KLF15: variants seen among roughly 807,000 people sequenced by gnomAD.
The protein encoded by KLF15 is Krueppel-like factor 15.
KLF15 carries 4 observed loss-of-function variants against 24.6 expected under a neutral mutation model. The observed-to-expected ratio is 0.16, with a 90% CI of 0.08 to 0.37. The LOEUF (loss-of-function observed/expected upper bound fraction) is 0.37. Ranked by LOEUF, KLF15 falls within the 10% of genes least tolerant of loss-of-function variation. KLF15 has a pLI of 1.00. For synonymous variants in KLF15, 246 were observed against 236.3 expected (o/e 1.04, Z -0.37); for missense variants, 496 against 560.6 (o/e 0.88, Z 1.16).
At chr3:126,303,617 TC>T in the KLF15 span, among the ~76,000 whole-genome samples, 1 of 152,098 alleles carries the variant, frequency 6.6e-6, no homozygotes, top group Non-Finnish European at 1.5e-5. Context: ...GGTGTCTTTT[TC>T]TTTATGTTTC....
At chr3:126,314,862 G>A in the KLF15 span, among the ~76,000 whole-genome samples, 1 of 152,202 alleles carries the variant, frequency 6.6e-6, no homozygotes, top group Non-Finnish European at 1.5e-5. Flanking sequence ...GGACCCCAAG[G>A]CCATCTTTTT....
the KLF15 span, among the ~76,000 whole-genome samples, chr3:126,326,329 T>C: frequency 1.3e-5 from 2 of 151,026 alleles, no homozygotes; most frequent in Non-Finnish European, 2.9e-5. Flanking sequence ...TTAAAGTAGT[T>C]TTTTCCAATT....
the KLF15 span, among the ~76,000 whole-genome samples, chr3:126,314,269 C>A: frequency 6.6e-6 from 1 of 152,206 alleles, no homozygotes; most frequent in Non-Finnish European, 1.5e-5. Context: ...ATGGGTCCCC[C>A]CTTGACAGGA....
the KLF15 span, among the ~76,000 whole-genome samples, chr3:126,299,471 C>T: frequency 1.3e-5 from 2 of 151,808 alleles, no homozygotes; most frequent in South Asian, 2.1e-4. Context: ...AGATGACTGC[C>T]GGGCACGGTG....
At chr3:126,354,462 T>A (rs2082614621) in intron 1 of KLF15, among the ~76,000 whole-genome samples, 1 of 152,108 alleles carries the variant, frequency 6.6e-6, no homozygotes, top group Non-Finnish European at 1.5e-5. Flanking sequence ...TCCCAAACCT[T>A]AGTTTCCTCA....
the KLF15 span, among the ~76,000 whole-genome samples, chr3:126,329,759 GAAAA>G: frequency 8.3e-6 from 1 of 120,618 alleles, no homozygotes; most frequent in Non-Finnish European, 1.7e-5. Context: ...TCCCCATACA[GAAAA>G]AAAAAAAAAA....
chr3:126,352,227 C>G lies in KLF15; in HGVS notation c.696G>C (p.Ser232=), dbSNP rs1163157939. ...GCCCAGGGGAGGCAGGCCCTGTGCC[C>G]GATTCCTGCTTCACAGGCACGGGCT... ...QIQPVPVKQE[S]GTGPASPGQA... Residue 232 remains serine, a synonymous_variant, in exon 2 of 3, where the codon TCG becomes TCC. Transcript: ENST00000296233. 3 of 1,536,332 alleles carry G rather than the reference C, an allele frequency of 2.0e-6. No individual in the cohort carries two copies. Among genetic ancestry groups the G allele is most frequent in the East Asian group, 2.3e-5 (1 of 43,952 alleles).
Position 126,357,361 on chromosome 3 carries a change from C to G in KLF15, c.-150G>C, listed in dbSNP as rs1410663508. The G allele has an allele frequency of 6.8e-6, 1 of 147,068 alleles. No individual in the cohort carries two copies. The highest frequency in any genetic ancestry group is 6.7e-5 in the Admixed American group (1 of 14,848). 9.1% of individuals were successfully genotyped at this position (147,068 alleles called of 1,614,324 possible). A position where few individuals can be genotyped will look rare whatever the true frequency, so the allele number is the denominator to read the frequency against. ...GCCGGGGGCCGAGCCGCGGGTCCTG[C>G]GCTGGCTCGATCGCCCGCCGGCCCG... On this transcript the variant is annotated 5_prime_UTR_variant, in exon 1 of 3. Coordinates refer to ENST00000296233, the MANE Select transcript of KLF15 (RefSeq NM_014079.4).
intron 1 of KLF15, among the ~76,000 whole-genome samples, chr3:126,354,965 AC>A (rs1431489833): frequency 2.0e-5 from 3 of 151,428 alleles, no homozygotes; most frequent in Non-Finnish European, 2.9e-5. Context: ...CTCACTAAGC[AC>A]CCCCCTCAGG....
chr3:126,294,033 G>A, the KLF15 span: 1 of 152,312 alleles, frequency 6.6e-6, no homozygotes, highest in African/African-American at 2.4e-5. Context: ...TCTGTGTCAG[G>A]GCCGGCTTTT....
At position 126,356,451 on chromosome 3, in the gene KLF15, G is replaced by T. The variant is rs891067402; in HGVS notation, c.-26+786C>A. On this transcript the variant is annotated intron_variant, in intron 1 of 2. Coordinates refer to ENST00000296233, the MANE Select transcript of KLF15 (RefSeq NM_014079.4). This position sits in a 1 kb window ranked among gnomAD's most constrained non-coding sequence, Gnocchi z 4.4. ...GGAAGAGTGAACCGGACCACCATAT[G>T]GGATGGGGACGGCCTCTCTGCCCCG... Among the ~76,000 whole-genome samples the T allele has an allele frequency of 6.6e-6, 1 of 152,186 alleles. No homozygotes were observed. Among genetic ancestry groups the T allele is most frequent in the African/African-American group, 2.4e-5 (1 of 41,442 alleles).
chr3:126,346,265 CA>C (rs1036836784), intron 2 of KLF15, among the ~76,000 whole-genome samples: 1 of 152,170 alleles, frequency 6.6e-6, no homozygotes, highest in Non-Finnish European at 1.5e-5. Flanking sequence ...GCTGCAGACA[CA>C]GAGTGCCACG....
the KLF15 span, among the ~76,000 whole-genome samples, chr3:126,316,848 G>C: frequency 9.2e-5 from 14 of 152,214 alleles, no homozygotes; most frequent in Non-Finnish European, 2.1e-4. Flanking sequence ...GCCTGGGGCA[G>C]CAGGGGCTGA....
At position 126,351,933 on chromosome 3, in the gene KLF15, C is replaced by G. The variant is rs772938363; in HGVS notation, c.990G>C (p.Lys330Asn). ...TGAGGTGGCTGCTTTTGGTGTACAT[C>G]TTGCTGCAGCCAGGGAAAGTACATT... ...MHKCTFPGCSKMYTKSSHLKA... is the reference protein window; with the variant it reads ...MHKCTFPGCSNMYTKSSHLKA... Residue 330 changes from lysine (K) to asparagine (N), a missense_variant, in exon 2 of 3, where the codon AAG becomes AAC. By Grantham distance (94) the Lys-to-Asn change is moderately conservative. Coordinates refer to ENST00000296233, the MANE Select transcript of KLF15 (RefSeq NM_014079.4). The G allele has an allele frequency of 3.1e-6, 5 of 1,613,680 alleles. No individual in the cohort carries two copies. The highest frequency in any genetic ancestry group is 4.2e-6 in the Non-Finnish European group (5 of 1,179,878).
At chr3:126,311,243 CA>C in the KLF15 span, among the ~76,000 whole-genome samples, 1 of 152,224 alleles carries the variant, frequency 6.6e-6, no homozygotes, top group Non-Finnish European at 1.5e-5. Flanking sequence ...CCCCAAACTC[CA>C]GAAGCTAAAG....
At chr3:126,296,154 T>A in the KLF15 span, among the ~76,000 whole-genome samples, 1 of 152,230 alleles carries the variant, frequency 6.6e-6, no homozygotes, top group African/African-American at 2.4e-5. Flanking sequence ...TGGGTGTTAC[T>A]CATTGTTCAT....
intron 2 of KLF15, among the ~76,000 whole-genome samples, chr3:126,347,496 C>T (rs116227315): frequency 0.017 from 2,639 of 152,294 alleles, 80 homozygotes; most frequent in African/African-American, 0.059. Context: ...CCACTGTGGA[C>T]GACAAAAGTA....
At chr3:126,309,514 G>A in the KLF15 span, among the ~76,000 whole-genome samples, 1 of 152,212 alleles carries the variant, frequency 6.6e-6, no homozygotes. Flanking sequence ...CTTACCATAG[G>A]TGCAGATGGT....
At chr3:126,351,265 T>C (rs2082579903) in intron 2 of KLF15, among the ~76,000 whole-genome samples, 1 of 151,882 alleles carries the variant, frequency 6.6e-6, no homozygotes, top group African/African-American at 2.4e-5. Flanking sequence ...GGAGGAAGCA[T>C]AGGCGAGGCC....
Sources: gnomAD v4.1 joint callset for allele counts (sites outside exome capture counted in the v4.1 genomes callset) on GRCh38, gnomAD v4.1.1 for gene constraint, Gnocchi (gnomAD v3.1) non-coding constraint, MANE v1.5 for transcripts, NCBI Gene and HGNC (gene_info 2026-07-23, HGNC 2026-07-21) for gene names.